Variants in PRAMEF10 observed in about 807,000 individuals in gnomAD.
PRAMEF10 encodes PRAME family member 10.
In PRAMEF10, 4 loss-of-function variants were observed where a neutral mutation model predicts 27.7. The ratio of observed to expected loss-of-function variants is 0.14; its 90% CI spans 0.07 to 0.33. The LOEUF (loss-of-function observed/expected upper bound fraction) is 0.33, where lower values mean the gene tolerates loss of function less well. Among genes scored for constraint, PRAMEF10 ranks in the 10% least tolerant of loss-of-function variants. PRAMEF10 has a pLI of 1.00. For missense variants in PRAMEF10, 99 were observed against 453.9 expected (o/e 0.22, Z 7.10); for synonymous variants, 46 against 176.0 (o/e 0.26, Z 5.85).
At position 12,898,206 on chromosome 1, in the gene PRAMEF10, A is replaced by C. The variant is rs1465460804; in HGVS notation, c.-26+10T>G. On this transcript the variant is annotated intron_variant, in intron 1 of 3. Transcript: ENST00000235347. Reference sequence around the variant, plus strand: ...TTGGGAGTGTCCTTACAGAGAGATTAGTGACTTACCAGATCTGGACTCAGT... The same window carrying C: ...TTGGGAGTGTCCTTACAGAGAGATTCGTGACTTACCAGATCTGGACTCAGT... The C allele has an allele frequency of 6.6e-6, 1 of 151,356 alleles. No individual in the cohort carries two copies. Among genetic ancestry groups the C allele is most frequent in the Non-Finnish European group, 1.5e-5 (1 of 67,928 alleles). 9.4% of individuals were successfully genotyped at this position (151,356 alleles called of 1,614,324 possible).
In PRAMEF10 at chr1:12,892,959, CCA is replaced by C. The variant is rs1641147711; in HGVS notation, c.1380_1381del (p.Cys460TrpfsTer6). 1 of 1,570,922 alleles carries C rather than the reference CCA, an allele frequency of 6.4e-7. No individual in the cohort carries two copies. The highest frequency in any genetic ancestry group is 1.4e-5 in the African/African-American group (1 of 70,322). ...GTCCACTTTCTCAGATGGCCATGAG[CCA>C]CAGTTAGGGCAAGGGACGGGACCAA... On this transcript the variant is annotated frameshift_variant, in exon 4 of 4. Coordinates refer to ENST00000235347, the MANE Select transcript of PRAMEF10 (RefSeq NM_001039361.4). LOFTEE classifies it high-confidence loss of function.
intron 3 of PRAMEF10, among the ~76,000 whole-genome samples, chr1:12,893,767 C>G (rs1476256937): frequency 4.0e-5 from 4 of 100,774 alleles, no homozygotes; most frequent in East Asian, 2.7e-4. Context: ...TGGTACCACT[C>G]TCACACCTAC....
At position 12,896,106 on chromosome 1, in the gene PRAMEF10, C is replaced by T. The variant is rs890279270; in HGVS notation, c.-25-234G>A. Among the ~76,000 whole-genome samples, 14 of 147,782 alleles carry T rather than the reference C, an allele frequency of 9.5e-5. 1 individual carries two copies. Among genetic ancestry groups the T allele is most frequent in the Non-Finnish European group, 1.9e-4 (13 of 67,018 alleles). On this transcript the variant is annotated intron_variant, in intron 1 of 3. Transcript: ENST00000235347. ...TCCTTCCTAGTCCATGAATTATTAG[C>T]CACTGTTGCAATAAACTCATAGCAC...
In PRAMEF10 at chr1:12,893,060, C is replaced by A. The variant is rs1378413717; in HGVS notation, c.1281G>T (p.Trp427Cys). The A allele has an allele frequency of 6.3e-7, 1 of 1,597,888 alleles. No individual in the cohort carries two copies. The highest frequency in any genetic ancestry group is 2.2e-5 in the East Asian group (1 of 44,798). Residue 427 changes from tryptophan (W) to cysteine (C), a missense_variant, in exon 4 of 4, where the codon TGG becomes TGT. By Grantham distance (215) the Trp-to-Cys change is radical. Transcript: ENST00000235347. ...ESLDYKGHVNWEILTPIRAEL... is the reference protein window; with the variant it reads ...ESLDYKGHVNCEILTPIRAEL... Reference sequence around the variant, plus strand: ...CAGCCCGAATTGGGGTGAGGATCTCCCAATTGACATGACCCTTGTAGTCAA... The same window carrying A: ...CAGCCCGAATTGGGGTGAGGATCTCACAATTGACATGACCCTTGTAGTCAA...
At chr1:12,893,883 G>A (rs1641169126) in intron 3 of PRAMEF10, among the ~76,000 whole-genome samples, 1 of 127,762 alleles carries the variant, frequency 7.8e-6, no homozygotes, top group Non-Finnish European at 1.7e-5. Context: ...TTGCTAAGCT[G>A]CTGAAGACAG....
At chr1:12,897,757 T>G (rs1008753162) in intron 1 of PRAMEF10, among the ~76,000 whole-genome samples, 1 of 149,572 alleles carries the variant, frequency 6.7e-6, no homozygotes, top group African/African-American at 2.5e-5. Context: ...CTCAGGAGGC[T>G]GAGGCATGAG....
intron 2 of PRAMEF10, among the ~76,000 whole-genome samples, 158 bp from the exon 3 acceptor site, chr1:12,895,322 TA>T (rs1641195124): frequency 1.1e-5 from 1 of 91,718 alleles, no homozygotes; most frequent in Non-Finnish European, 2.4e-5. Flanking sequence ...TTCTGCCTGG[TA>T]CCCACTTCTA....
chr1:12,894,085 T>G (rs1232969031), intron 3 of PRAMEF10, among the ~76,000 whole-genome samples: 1 of 150,950 alleles, frequency 6.6e-6, no homozygotes. Context: ...ACATTTTTTT[T>G]TGTATTTTTA....
At position 12,892,919 on chromosome 1, in the gene PRAMEF10, G is replaced by A. The variant is rs1458978103; in HGVS notation, c.1422C>T (p.Ser474=). The change falls in exon 4 of 4, where the codon TCC becomes TCT. Residue 474 remains serine (S), a synonymous_variant. Coordinates refer to ENST00000235347, the MANE Select transcript of PRAMEF10 (RefSeq NM_001039361.4). ...PSEKVDFHLC[S] ...CATCCCACGAACCAGGCCTTCCCTA[G>A]GAGCAAAGATGGAAGTCCACTTTCT... 1.3e-6 allele frequency: 2 copies of A among 1,594,476 alleles called. No individual in the cohort carries two copies. The highest frequency in any genetic ancestry group is 2.7e-5 in the African/African-American group (2 of 72,860).
At position 12,892,974 on chromosome 1, in the gene PRAMEF10, G is replaced by T. The variant is rs1641148190; in HGVS notation, c.1367C>A (p.Pro456His). ...QPKRIFFGPV[P>H]CPNCGSWPSE... ...TGGCCATGAGCCACAGTTAGGGCAAGGGACGGGACCAAAGAAGATCCTCTT... is the reference window on the plus strand; with the variant it reads ...TGGCCATGAGCCACAGTTAGGGCAATGGACGGGACCAAAGAAGATCCTCTT... Residue 456 changes from proline to histidine, a missense_variant, in exon 4 of 4, where the codon CCT (proline) becomes CAT (histidine). Pro to His is a moderately conservative substitution (Grantham distance 77). Transcript: ENST00000235347. The T allele has an allele frequency of 1.3e-6, 2 of 1,572,220 alleles. No homozygotes were observed. The highest frequency in any genetic ancestry group is 2.2e-5 in the East Asian group (1 of 44,678).
chr1:12,893,396 C>A lies in PRAMEF10; in HGVS notation c.945G>T (p.Gln315His). The change falls in exon 4 of 4, where the codon CAG becomes CAT. Residue 315 changes from glutamine (Q) to histidine (H), a missense_variant. By Grantham distance (24) the Gln-to-His change is conservative. Coordinates refer to ENST00000235347, the MANE Select transcript of PRAMEF10 (RefSeq NM_001039361.4). ...LTDRDMECLS[Q>H]YPSLSQLKEL... ...CCTTTAGCTGACTGAGGCTTGGGTA[C>A]TGAGACAGACACTCCATGTCCCGAT... 1 of 1,606,484 alleles carries A rather than the reference C, an allele frequency of 6.2e-7. No homozygotes were observed. The highest frequency in any genetic ancestry group is 8.5e-7 in the Non-Finnish European group (1 of 1,175,992).
At chr1:12,896,071 G>A (rs1641205116) in intron 1 of PRAMEF10, among the ~76,000 whole-genome samples, 199 bp from the exon 2 acceptor site, 1 of 147,454 alleles carries the variant, frequency 6.8e-6, no homozygotes. Flanking sequence ...CCTCTAAAGA[G>A]CAGGCAAGAT....
intron 3 of PRAMEF10, among the ~76,000 whole-genome samples, 158 bp from the exon 4 acceptor site, chr1:12,893,632 C>T (rs1218400872): frequency 5.1e-5 from 5 of 97,534 alleles, no homozygotes; most frequent in Non-Finnish European, 1.0e-4. Flanking sequence ...CCTGTTTTAC[C>T]CAAACACAAG....
At chr1:12,894,195 G>A (rs1641173290) in intron 3 of PRAMEF10, among the ~76,000 whole-genome samples, 1 of 148,172 alleles carries the variant, frequency 6.7e-6, no homozygotes. Context: ...TTACAGGCAT[G>A]AGACACCACA....
chr1:12,897,583 C>G (rs1470307880), intron 1 of PRAMEF10, among the ~76,000 whole-genome samples: 1 of 149,232 alleles, frequency 6.7e-6, no homozygotes, highest in Non-Finnish European at 1.5e-5. Flanking sequence ...AGGCCAAGCA[C>G]CAGTGGCTCA....
chr1:12,898,230 GT>G lies in PRAMEF10; in HGVS notation c.-41del, dbSNP rs1258147322. 5 of 151,932 alleles carry G rather than the reference GT, an allele frequency of 3.3e-5. No homozygotes were observed. The East Asian group carries it at 9.7e-4, about 30-fold the overall frequency. The allele number at this position is 151,932 out of a possible 1,614,324, so 9.4% of individuals were successfully genotyped here. A position where few individuals can be genotyped will look rare whatever the true frequency, so the allele number is the denominator to read the frequency against. On this transcript the variant is annotated 5_prime_UTR_variant, in exon 1 of 4. Coordinates refer to ENST00000235347, the MANE Select transcript of PRAMEF10 (RefSeq NM_001039361.4). ...TAGTGACTTACCAGATCTGGACTCA[GT>G]TTGGAGGGTGCTCAGACCTCAGGAA...
In PRAMEF10 at chr1:12,893,414, G is replaced by C; in HGVS notation, c.927C>G (p.Asp309Glu). The C allele has an allele frequency of 6.2e-7, 1 of 1,600,310 alleles. No individual in the cohort carries two copies. The highest frequency in any genetic ancestry group is 8.5e-7 in the Non-Finnish European group (1 of 1,172,526). The change falls in exon 4 of 4, where the codon GAC (aspartate) becomes GAG (glutamate). Residue 309 changes from aspartate to glutamate, a missense_variant. Transcript: ENST00000235347. ...IFSDAYLTDR[D>E]MECLSQYPSL... The stretch of plus-strand genomic sequence containing the variant: ...TTGGGTACTGAGACAGACACTCCAT[G>C]TCCCGATCAGTTAGGTAAGCATCAC...
chr1:12,894,388 G>A (rs1271010620), intron 3 of PRAMEF10, among the ~76,000 whole-genome samples, 198 bp downstream of exon 3: 1 of 149,202 alleles, frequency 6.7e-6, no homozygotes, highest in African/African-American at 2.5e-5. Context: ...CCATCCCTCT[G>A]CCCTTATTTG....
At chr1:12,897,576 C>T (rs1026243692) in intron 1 of PRAMEF10, among the ~76,000 whole-genome samples, 2 of 149,086 alleles carry the variant, frequency 1.3e-5, no homozygotes, top group Non-Finnish European at 3.0e-5. Context: ...TTTGTAGAGG[C>T]CAAGCACCAG....
Sources: gnomAD v4.1 joint callset for allele counts (sites outside exome capture counted in the v4.1 genomes callset) on GRCh38, gnomAD v4.1.1 for gene constraint, MANE v1.5 for transcripts, NCBI Gene and HGNC (gene_info 2026-07-23, HGNC 2026-07-21) for gene names.